TAOK1: variants seen among roughly 807,000 people sequenced by gnomAD.
TAOK1 encodes the protein serine/threonine-protein kinase TAO1.
In TAOK1, 21 loss-of-function variants were observed where a neutral mutation model predicts 138.3. That is an observed-to-expected ratio of 0.15 (90% CI 0.11 to 0.22). The LOEUF (loss-of-function observed/expected upper bound fraction) is 0.22. Among genes scored for constraint, TAOK1 ranks in the 10% least tolerant of loss-of-function variants. The pLI is 1.00. For synonymous variants in TAOK1, 361 were observed against 398.4 expected, an observed-to-expected ratio of 0.91 and a Z score of 1.12; for missense variants, 651 against 1,227.7, an observed-to-expected ratio of 0.53 and a Z score of 7.02.
At chr17:29,397,647 T>TTCATGTATACATGTATACATGTATAC (rs1384681685) in intron 1 of TAOK1, among the ~76,000 whole-genome samples, 1 of 61,566 alleles carries the variant, frequency 1.6e-5, no homozygotes, top group Admixed American at 1.7e-4. Flanking sequence ...TACATGTATA[T>TTCATGTATACATGTATACATGTATAC]ATGTATATTC....
intron 1 of TAOK1, among the ~76,000 whole-genome samples, chr17:29,431,676 G>A (rs947203045): frequency 5.9e-5 from 9 of 151,708 alleles, no homozygotes; most frequent in Admixed American, 5.9e-4. Flanking sequence ...TTTTGCTCTT[G>A]TCACCCAGGC....
At position 29,390,750 on chromosome 17, in the gene TAOK1, C is replaced by T. The variant is rs1275511038; in HGVS notation, c.-369C>T. The stretch of plus-strand genomic sequence containing the variant: ...CCCCGAGGCGGCGACGGAGACGGCT[C>T]CCGGCACTTCCCCGCGCCATCTTAA... On this transcript the variant is annotated 5_prime_UTR_variant, in exon 1 of 20. Coordinates refer to ENST00000261716, the MANE Select transcript of TAOK1 (RefSeq NM_020791.4). 1 of 152,250 alleles carries T rather than the reference C, an allele frequency of 6.6e-6. No individual in the cohort carries two copies. The highest frequency in any genetic ancestry group is 1.5e-5 in the Non-Finnish European group (1 of 68,214). The allele number at this position is 152,250 out of a possible 1,614,324, so 9.4% of individuals were successfully genotyped here.
intron 17 of TAOK1, among the ~76,000 whole-genome samples, chr17:29,526,056 G>C (rs1453949696): frequency 6.6e-6 from 1 of 151,940 alleles, no homozygotes; most frequent in Non-Finnish European, 1.5e-5. Context: ...TACTTTGGGA[G>C]GCTGAGGTCG....
chr17:29,422,758 C>G (rs1363603577), intron 1 of TAOK1, among the ~76,000 whole-genome samples: 1 of 152,156 alleles, frequency 6.6e-6, no homozygotes, highest in Non-Finnish European at 1.5e-5. Context: ...GGGCGTGCTA[C>G]TGCACGCCTA....
rs2030928502 is a variant in TAOK1, at chr17:29,475,723, C to T, written c.258C>T (p.Pro86=). 2.5e-6 allele frequency: 4 copies of T among 1,612,932 alleles called. No individual in the cohort carries two copies. The highest frequency in any genetic ancestry group is 1.7e-5 in the Admixed American group (1 of 59,826). ...EVKFLQRIKH[P]NSIEYKGCYL... is the part of the protein sequence containing the mutation. The stretch of plus-strand genomic sequence containing the variant: ...AGTTTCTACAAAGAATAAAACATCC[C>T]AACAGTATAGAATACAAAGGCTGTT... The change falls in exon 4 of 20, where the codon CCC becomes CCT. Residue 86 remains proline, a synonymous_variant. Coordinates refer to ENST00000261716, the MANE Select transcript of TAOK1 (RefSeq NM_020791.4).
At chr17:29,448,208 T>G (rs1024972065) in intron 1 of TAOK1, among the ~76,000 whole-genome samples, 4 of 151,898 alleles carry the variant, frequency 2.6e-5, no homozygotes, top group African/African-American at 9.7e-5. Context: ...TATATTTGTG[T>G]ATCTGATCCC....
At chr17:29,528,060 G>A (rs559140083) in intron 17 of TAOK1, among the ~76,000 whole-genome samples, 13 of 152,156 alleles carry the variant, frequency 8.5e-5, no homozygotes, top group African/African-American at 3.1e-4. Flanking sequence ...GTGTGTGTGT[G>A]TGTTTTTGAG....
At chr17:29,493,978 A>G (rs1161410349) in intron 10 of TAOK1, among the ~76,000 whole-genome samples, 3 of 151,946 alleles carry the variant, frequency 2.0e-5, no homozygotes, top group Non-Finnish European at 2.9e-5. Context: ...GTGCAGTTAC[A>G]TGATCTCAGC....
rs116793416 is a variant in TAOK1 at position 29,498,276 on chromosome 17, T to C, written c.1000-42T>C. ...GTCAAGAATTCAGAAGAGAGAGATA[T>C]ATATTAATATTTGAACTGAACTGAA... On this transcript the variant is annotated intron_variant, in intron 11 of 19. Coordinates refer to ENST00000261716, the MANE Select transcript of TAOK1 (RefSeq NM_020791.4). The C allele has an allele frequency of 2.3e-5, 36 of 1,597,856 alleles. No individual in the cohort carries two copies. The African/African-American group carries it at 3.5e-4, about 15-fold the overall frequency.
intron 12 of TAOK1, among the ~76,000 whole-genome samples, chr17:29,501,222 A>T (rs1336860873): frequency 1.9e-4 from 4 of 20,574 alleles, no homozygotes; most frequent in Non-Finnish European, 5.4e-4. Context: ...CCATCTGTTT[A>T]AAAAAAAAAA....
At chr17:29,534,028 T>C in intron 18 of TAOK1, 90 bp from the exon 19 acceptor site, 1 of 1,365,488 alleles carries the variant, frequency 7.3e-7, no homozygotes, top group South Asian at 1.9e-5. Flanking sequence ...TAGTCTGTCT[T>C]CTAACACTCC....
At chr17:29,465,316 G>T (rs1411849732) in intron 2 of TAOK1, among the ~76,000 whole-genome samples, 1 of 149,238 alleles carries the variant, frequency 6.7e-6, no homozygotes, top group Non-Finnish European at 1.5e-5. Flanking sequence ...ACCACACCTG[G>T]CTGTTTTGTA....
chr17:29,494,386 G>A (rs1190019633), intron 10 of TAOK1, among the ~76,000 whole-genome samples: 1 of 152,070 alleles, frequency 6.6e-6, no homozygotes, highest in African/African-American at 2.4e-5. Context: ...GTGCACACCT[G>A]TAGTCCTAGC....
chr17:29,401,254 C>T (rs1215313029), intron 1 of TAOK1, among the ~76,000 whole-genome samples: 3 of 152,066 alleles, frequency 2.0e-5, no homozygotes, highest in African/African-American at 7.2e-5. Context: ...CCCAGTTACA[C>T]TGTTATAAAG....
rs1357657934 is a variant in TAOK1 at position 29,450,721 on chromosome 17, A to G, written c.-94-734A>G. 2.6e-5 allele frequency among the ~76,000 whole-genome samples: 4 copies of G among 151,970 alleles called. No individual in the cohort carries two copies. The East Asian group carries it at 7.8e-4, about 29-fold the overall frequency. ...TGTAGAGGCAGGGTCTTACCATATT[A>G]CCCAGGCTGGTCATGAACTCCTGGT... On this transcript the variant is annotated intron_variant, in intron 1 of 19. Transcript: ENST00000261716.
At position 29,499,888 on chromosome 17, in the gene TAOK1, A is replaced by G. The variant is rs1049332199; in HGVS notation, c.1203+1367A>G. Among the ~76,000 whole-genome samples, 7 of 152,098 alleles carry G rather than the reference A, an allele frequency of 4.6e-5. No homozygotes were observed. In the East Asian group the frequency reaches 1.3e-3, roughly 29 times the overall value. On this transcript the variant is annotated intron_variant, in intron 12 of 19. Coordinates refer to ENST00000261716, the MANE Select transcript of TAOK1 (RefSeq NM_020791.4). ...TATCTTAAAAATAAAGCTGAATGTA[A>G]TTGTAGAAAACTGTAGATTCTGGGT...
At chr17:29,535,641 C>T (rs12452301) in intron 19 of TAOK1, among the ~76,000 whole-genome samples, 24,361 of 151,822 alleles carry the variant, frequency 0.16, 2,073 homozygotes, top group Admixed American at 0.21. Context: ...ATCGCTTGAG[C>T]TCAGGAGTTC....
At chr17:29,459,596 G>A (rs539859709) in intron 2 of TAOK1, among the ~76,000 whole-genome samples, 108 of 152,122 alleles carry the variant, frequency 7.1e-4, no homozygotes, top group African/African-American at 2.5e-3. Context: ...TTTTATGGCC[G>A]AATAGTACTT....
Position 29,548,273 on chromosome 17 carries a change from T to G in TAOK1, c.*5251T>G, listed in dbSNP as rs1372461651. The G allele has an allele frequency of 6.6e-6, 1 of 152,162 alleles. No homozygotes were observed. The highest frequency in any genetic ancestry group is 1.9e-4 in the East Asian group (1 of 5,204). The allele number at this position is 152,162 out of a possible 1,614,324, so 9.4% of individuals were successfully genotyped here. ...GTTGTGGGTTTCTTAAACTTGCACTTCCTACCCACCCAAAGATAGATATCC... is the reference window on the plus strand; with the variant it reads ...GTTGTGGGTTTCTTAAACTTGCACTGCCTACCCACCCAAAGATAGATATCC... On this transcript the variant is annotated 3_prime_UTR_variant, in exon 20 of 20. Transcript: ENST00000261716.
Sources: gnomAD v4.1 joint callset for allele counts (sites outside exome capture counted in the v4.1 genomes callset) on GRCh38, gnomAD v4.1.1 for gene constraint, MANE v1.5 for transcripts, NCBI Gene and HGNC (gene_info 2026-07-23, HGNC 2026-07-21) for gene names.